TBX18: variants seen among roughly 807,000 people sequenced by gnomAD.
The protein encoded by TBX18 is T-box transcription factor 18.
In TBX18, 21 loss-of-function variants were observed where a neutral mutation model predicts 55.0. The observed-to-expected ratio is 0.38, with a 90% CI of 0.27 to 0.55. The LOEUF (loss-of-function observed/expected upper bound fraction) is 0.55, where lower values mean the gene tolerates loss of function less well. TBX18 is among the 20% of genes least tolerant of loss of function. The pLI is 0.73. For synonymous variants in TBX18, 342 were observed against 326.1 expected (o/e 1.05, Z -0.53); for missense variants, 840 against 799.6 (o/e 1.05, Z -0.61).
intron 2 of TBX18, 37 bp from the exon 3 acceptor site, chr6:84,760,393 T>C (rs1331872994): frequency 1.3e-6 from 2 of 1,495,874 alleles, no homozygotes; most frequent in Non-Finnish European, 1.8e-6. Context: ...GGTTTGGGGT[T>C]TTTGTTTGTG....
In TBX18 at chr6:84,762,692, A is replaced by T. The variant is rs1767686722; in HGVS notation, c.349T>A (p.Ser117Thr). The T allele has an allele frequency of 1.2e-6, 2 of 1,609,802 alleles. No homozygotes were observed. Among genetic ancestry groups the T allele is most frequent in the Non-Finnish European group, 1.7e-6 (2 of 1,178,882 alleles). The change falls in exon 2 of 8, where the codon TCC becomes ACC. Residue 117 changes from serine (S) to threonine (T), a missense_variant. Coordinates refer to ENST00000369663, the MANE Select transcript of TBX18 (RefSeq NM_001080508.3). The stretch of plus-strand genomic sequence containing the variant: ...GAGCGCGCCGGAGACCCCTTGGGGG[A>T]GCCTCCCGGTGACGCCAGAGGGGAA... ...GASPLASPGG[S>T]PKGSPARSLA...
chr6:84,748,011 G>C lies in TBX18; in HGVS notation c.848C>G (p.Pro283Arg), dbSNP rs759765731. ...CTCCCCGGATGGAACAGGCTTGATG[G>C]GAGAAAGATCGTCTCCACAGTCTTT... ...IRKDCGDDLS[P>R]IKPVPSGEGV... Residue 283 changes from proline (P) to arginine (R), a missense_variant, in exon 5 of 8, where the codon CCC becomes CGC. Physicochemically the swap from Pro to Arg is moderately radical, Grantham distance 103. Coordinates refer to ENST00000369663, the MANE Select transcript of TBX18 (RefSeq NM_001080508.3). 3 of 1,613,290 alleles carry C rather than the reference G, an allele frequency of 1.9e-6. No individual in the cohort carries two copies. Among genetic ancestry groups the C allele is most frequent in the African/African-American group, 1.3e-5 (1 of 74,922 alleles).
intron 7 of TBX18, 91 bp downstream of exon 7, chr6:84,738,406 T>A: frequency 2.1e-6 from 2 of 959,634 alleles, no homozygotes; most frequent in Non-Finnish European, 3.4e-6. Flanking sequence ...GTCATTATTG[T>A]AAGTATAAAT....
chr6:84,762,508 G>A, intron 2 of TBX18, 36 bp downstream of exon 2: 4 of 1,610,630 alleles, frequency 2.5e-6, no homozygotes, highest in African/African-American at 1.3e-5. Flanking sequence ...CAGGGTCTGG[G>A]GTAGGGAGGG....
chr6:84,756,732 T>A lies in TBX18; in HGVS notation c.737A>T (p.Lys246Met). Residue 246 changes from lysine (K) to methionine (M), a missense_variant, in exon 4 of 8, where the codon AAG becomes ATG. By Grantham distance (95) the Lys-to-Met change is moderately conservative. Transcript: ENST00000369663. ...MRQVISFDKL[K>M]LTNNELDDQG... is the part of the protein sequence containing the mutation. ...GTCATCCAGTTCATTGTTGGTGAGCTTCAGCTTGTCGAAGCTGATAACTTG... is the reference window on the plus strand; with the variant it reads ...GTCATCCAGTTCATTGTTGGTGAGCATCAGCTTGTCGAAGCTGATAACTTG... The A allele has an allele frequency of 6.2e-7, 1 of 1,614,126 alleles. No homozygotes were observed. The highest frequency in any genetic ancestry group is 8.5e-7 in the Non-Finnish European group (1 of 1,180,026).
At chr6:84,751,076 T>G (rs957715165) in intron 4 of TBX18, among the ~76,000 whole-genome samples, 1 of 152,158 alleles carries the variant, frequency 6.6e-6, no homozygotes, top group African/African-American at 2.4e-5. Context: ...CCAGGGAGAA[T>G]TAGCATATCT....
chr6:84,751,932 G>A (rs966334233), intron 4 of TBX18, among the ~76,000 whole-genome samples: 2 of 152,146 alleles, frequency 1.3e-5, no homozygotes, highest in Admixed American at 6.5e-5. Flanking sequence ...ATTTAATAGA[G>A]CAAATAGAAC....
At chr6:84,755,945 T>C (rs747884816) in intron 4 of TBX18, among the ~76,000 whole-genome samples, 1 of 152,244 alleles carries the variant, frequency 6.6e-6, no homozygotes, top group Non-Finnish European at 1.5e-5. Context: ...TTATGTATGA[T>C]ATATTCTTCG....
intron 4 of TBX18, among the ~76,000 whole-genome samples, chr6:84,755,437 G>A (rs1195121169): frequency 6.6e-6 from 1 of 152,198 alleles, no homozygotes; most frequent in Non-Finnish European, 1.5e-5. Context: ...AATGTGCTGA[G>A]TATATTTCAC....
At chr6:84,739,681 G>A (rs1026598977) in intron 6 of TBX18, among the ~76,000 whole-genome samples, 2 of 152,122 alleles carry the variant, frequency 1.3e-5, no homozygotes, top group Non-Finnish European at 2.9e-5. Flanking sequence ...TTTGACTCAA[G>A]GTGCTACCAC....
rs773728624 is a variant in TBX18, at chr6:84,763,940, G to A, written c.242C>T (p.Ala81Val). The A allele has an allele frequency of 1.8e-5, 29 of 1,577,400 alleles. No homozygotes were observed. The highest frequency in any genetic ancestry group is 2.1e-5 in the Non-Finnish European group (25 of 1,167,784). ...EGAALPPPAG[A>V]TSGPARSGAD... ...GCCACTCCGAGCCGGCCCAGACGTC[G>A]CCCCAGCCGGCGGCGGGAGCGCAGC... Residue 81 changes from alanine to valine, a missense_variant, in exon 1 of 8, where the codon GCG (alanine) becomes GTG (valine). Ala to Val is a moderately conservative substitution (Grantham distance 64). Transcript: ENST00000369663.
At chr6:84,748,288 A>T (rs1582074046) in intron 4 of TBX18, among the ~76,000 whole-genome samples, 1 of 152,226 alleles carries the variant, frequency 6.6e-6, no homozygotes, top group South Asian at 2.1e-4. Flanking sequence ...AATACAAAAT[A>T]AAAAGCACTA....
In TBX18 at chr6:84,733,877, TAG is replaced by T. The variant is rs1175376810; in HGVS notation, c.*2806_*2807del. 1 of 152,148 alleles carries T rather than the reference TAG, an allele frequency of 6.6e-6. No individual in the cohort carries two copies. Among genetic ancestry groups the T allele is most frequent in the Non-Finnish European group, 1.5e-5 (1 of 68,022 alleles). The allele number at this position is 152,148 out of a possible 1,614,324, so 9.4% of individuals were successfully genotyped here. A position where few individuals can be genotyped will look rare whatever the true frequency, so the allele number is the denominator to read the frequency against. On this transcript the variant is annotated 3_prime_UTR_variant, in exon 8 of 8. Coordinates refer to ENST00000369663, the MANE Select transcript of TBX18 (RefSeq NM_001080508.3). ...AGAGTGAGTATGATCCTTCCTTATA[TAG>T]GTTACACTGTGCCCCAACCTTCTCT...
intron 6 of TBX18, among the ~76,000 whole-genome samples, chr6:84,743,633 C>T (rs1767104643): frequency 6.6e-6 from 1 of 152,048 alleles, no homozygotes. Flanking sequence ...TCAATAAATT[C>T]AAAAACCCTT....
chr6:84,745,941 T>C (rs1767171480), intron 5 of TBX18, among the ~76,000 whole-genome samples: 1 of 152,172 alleles, frequency 6.6e-6, no homozygotes, highest in South Asian at 2.1e-4. Flanking sequence ...AACTGAAGCT[T>C]AAGTAAGCCA....
Position 84,756,820 on chromosome 6 carries a change from G to C in TBX18, c.649C>G (p.Pro217Ala), listed in dbSNP as rs1218358370. 4 of 1,614,066 alleles carry C rather than the reference G, an allele frequency of 2.5e-6. No individual in the cohort carries two copies. The highest frequency in any genetic ancestry group is 1.3e-5 in the African/African-American group (1 of 75,012). ...TGAATGTACACACGGGGTGGCACAG[G>C]CGAGTCAGCATTACCTGCCACCATC... ...KWMVAGNADSPVPPRVYIHPD... is the reference protein window; with the variant it reads ...KWMVAGNADSAVPPRVYIHPD... Residue 217 changes from proline (P) to alanine (A), a missense_variant, in exon 4 of 8, where the codon CCT becomes GCT. By Grantham distance (27) the Pro-to-Ala change is conservative (BLOSUM62 -1). Transcript: ENST00000369663.
chr6:84,763,718 C>T (rs568618778), intron 1 of TBX18, among the ~76,000 whole-genome samples, 172 bp downstream of exon 1: 59 of 152,284 alleles, frequency 3.9e-4, no homozygotes, highest in African/African-American at 8.4e-4. Context: ...GTATCTGAAC[C>T]GTCTGGAGGG....
At chr6:84,759,677 C>A (rs2127881119) in intron 3 of TBX18, among the ~76,000 whole-genome samples, 1 of 151,724 alleles carries the variant, frequency 6.6e-6, no homozygotes, top group African/African-American at 2.4e-5. Context: ...AGTTATAACA[C>A]ATACCAAAAA....
intron 6 of TBX18, chr6:84,741,053 A>T (rs1767034891): frequency 6.6e-6 from 1 of 152,220 alleles, no homozygotes; most frequent in Non-Finnish European, 1.5e-5. Context: ...ATTTGGAGCA[A>T]TCGATATTTT....
Sources: allele counts gnomAD v4.1 joint callset (sites outside exome capture counted in the v4.1 genomes callset), GRCh38; gene constraint gnomAD v4.1.1; transcripts MANE v1.5; gene names NCBI Gene and HGNC (gene_info 2026-07-23, HGNC 2026-07-21).